Variants in SHC3 observed in about 807,000 individuals in gnomAD.
The protein encoded by SHC3 is SHC adaptor protein 3.
Under a neutral mutation model 60.4 loss-of-function variants are expected in SHC3, and 15 were observed. That is an observed-to-expected ratio of 0.25 (90% CI 0.17 to 0.38). The LOEUF is 0.38. Ranked by LOEUF, SHC3 falls within the 10% of genes least tolerant of loss-of-function variation. The probability of loss-of-function intolerance (pLI) is 1.00; values close to 1 mark genes in which losing one functional copy is unlikely to be tolerated. For missense variants in SHC3, 677 were observed against 786.1 expected, an observed-to-expected ratio of 0.86 and a Z score of 1.66; for synonymous variants, 294 against 325.9, an observed-to-expected ratio of 0.90 and a Z score of 1.05.
intron 1 of SHC3, among the ~76,000 whole-genome samples, chr9:89,123,595 G>C (rs1328910448): frequency 6.6e-6 from 1 of 152,176 alleles, no homozygotes. Context: ...AGTGTGTCAA[G>C]ATCTGGGGGT....
At chr9:89,123,011 G>GA (rs1452024033) in intron 1 of SHC3, among the ~76,000 whole-genome samples, 1 of 152,208 alleles carries the variant, frequency 6.6e-6, no homozygotes, top group African/African-American at 2.4e-5. Flanking sequence ...GCTTTTATGG[G>GA]ATTGCTAACT....
intron 1 of SHC3, among the ~76,000 whole-genome samples, chr9:89,172,767 T>C (rs1399517025): frequency 6.6e-6 from 1 of 152,238 alleles, no homozygotes; most frequent in Admixed American, 6.5e-5. Flanking sequence ...GTCATTTCTT[T>C]CCATTGCATC....
intron 1 of SHC3, among the ~76,000 whole-genome samples, chr9:89,177,665 G>A (rs1394110710): frequency 2.0e-5 from 3 of 152,234 alleles, no homozygotes; most frequent in Admixed American, 6.5e-5. Flanking sequence ...CCGCTGCCCA[G>A]GGTTGGGCGC....
rs117335712 is a variant in SHC3 at position 89,039,218 on chromosome 9, C to T, written c.1361-930G>A. The stretch of plus-strand genomic sequence containing the variant: ...AGAACAGGAGTGGTTCTTTCCTGAG[C>T]ATAACTACACCCTCAGAGCCCAGCA... On this transcript the variant is annotated intron_variant, in intron 10 of 11. Coordinates refer to ENST00000375835, the MANE Select transcript of SHC3 (RefSeq NM_016848.6). Among the ~76,000 whole-genome samples the T allele has an allele frequency of 6.0e-3, 911 of 152,306 alleles. 5 individuals carry two copies. The highest frequency in any genetic ancestry group is 9.8e-3 in the Non-Finnish European group (666 of 68,026).
At chr9:89,016,498 C>T (rs1395430494) in intron 11 of SHC3, among the ~76,000 whole-genome samples, 1 of 152,006 alleles carries the variant, frequency 6.6e-6, no homozygotes, top group African/African-American at 2.4e-5. Flanking sequence ...TCAGAATAGG[C>T]ATATATGTAT....
Position 89,178,240 on chromosome 9 carries a change from A to G in SHC3, c.221T>C (p.Leu74Pro), listed in dbSNP as rs1260335700. The G allele has an allele frequency of 6.6e-6, 10 of 1,513,240 alleles. No homozygotes were observed. Among genetic ancestry groups the G allele is most frequent in the South Asian group, 1.2e-5 (1 of 80,520 alleles). 93.7% of individuals were successfully genotyped at this position (1,513,240 alleles called of 1,614,324 possible). A position where few individuals can be genotyped will look rare whatever the true frequency, so the allele number is the denominator to read the frequency against. The stretch of plus-strand genomic sequence containing the variant: ...GCGGAGGCCCGAGCTGGAGAGTTTC[A>G]GGTGGGACACCTTGTGGAGCAGGTG... ...LGHLLHKVSH[L>P]KLSSSGLRGL... Residue 74 changes from leucine to proline, a missense_variant, in exon 1 of 12, where the codon CTG becomes CCG. Transcript: ENST00000375835. This position sits in a 1 kb window ranked among gnomAD's most constrained non-coding sequence, Gnocchi z 6.9.
intron 2 of SHC3, among the ~76,000 whole-genome samples, chr9:89,088,342 C>T (rs1825565760): frequency 6.6e-6 from 1 of 152,200 alleles, no homozygotes; most frequent in Non-Finnish European, 1.5e-5. Context: ...GTACACCTTA[C>T]TTGTATTGAT....
At chr9:89,104,759 A>G (rs746908615) in intron 2 of SHC3, among the ~76,000 whole-genome samples, 7 of 151,110 alleles carry the variant, frequency 4.6e-5, no homozygotes, top group Non-Finnish European at 8.9e-5. Context: ...CTATCCTCTC[A>G]CCCTCCAATC....
chr9:89,027,694 A>G (rs1826343305), intron 11 of SHC3, among the ~76,000 whole-genome samples: 2 of 152,202 alleles, frequency 1.3e-5, no homozygotes, highest in African/African-American at 2.4e-5. Context: ...CGAACCCAGA[A>G]AAAGGACAGT....
chr9:89,109,682 G>C, intron 2 of SHC3: 1 of 985,420 alleles, frequency 1.0e-6, no homozygotes, highest in Non-Finnish European at 1.2e-6. Flanking sequence ...TTGGTGAGGA[G>C]ACCACCCCCA....
intron 6 of SHC3, among the ~76,000 whole-genome samples, chr9:89,058,621 TGG>T (rs1280220167): frequency 6.9e-6 from 1 of 145,908 alleles, no homozygotes; most frequent in Non-Finnish European, 1.5e-5. Context: ...GTGGAGGACG[TGG>T]TGGAGGACAT....
intron 7 of SHC3, among the ~76,000 whole-genome samples, chr9:89,049,578 A>C (rs1824829353): frequency 6.6e-6 from 1 of 152,256 alleles, no homozygotes; most frequent in African/African-American, 2.4e-5. Context: ...ATACTTATGC[A>C]TCCCCCATGG....
At chr9:89,161,154 C>T (rs961822143) in intron 1 of SHC3, among the ~76,000 whole-genome samples, 1 of 152,160 alleles carries the variant, frequency 6.6e-6, no homozygotes, top group Admixed American at 6.5e-5. Flanking sequence ...ATATAATCCC[C>T]ATGTTGGAGG....
At chr9:89,114,619 G>A (rs1001195963) in intron 1 of SHC3, among the ~76,000 whole-genome samples, 9 of 152,022 alleles carry the variant, frequency 5.9e-5, no homozygotes, top group African/African-American at 1.9e-4. Context: ...ATGGATTTTG[G>A]TATCCTAGAG....
At chr9:89,051,869 T>G (rs1824867253) in intron 7 of SHC3, among the ~76,000 whole-genome samples, 168 bp downstream of exon 7, 1 of 152,230 alleles carries the variant, frequency 6.6e-6, no homozygotes, top group African/African-American at 2.4e-5. Context: ...TTGGCTTCCA[T>G]CTGTTGGCTT....
chr9:89,102,643 T>C (rs1363428159), intron 2 of SHC3, among the ~76,000 whole-genome samples: 3 of 152,226 alleles, frequency 2.0e-5, no homozygotes, highest in Admixed American at 6.5e-5. Context: ...CAGCAGATGA[T>C]ACAGTATGTC....
intron 11 of SHC3, among the ~76,000 whole-genome samples, chr9:89,028,582 T>C (rs1461671169): frequency 6.8e-6 from 1 of 146,334 alleles, no homozygotes; most frequent in African/African-American, 2.5e-5. Context: ...AGATATATAT[T>C]ACACACATGT....
chr9:89,115,882 C>T (rs938647163), intron 1 of SHC3, among the ~76,000 whole-genome samples: 4 of 152,202 alleles, frequency 2.6e-5, no homozygotes, highest in African/African-American at 9.6e-5. Context: ...AACACAACCA[C>T]AACCATTATC....
intron 11 of SHC3, among the ~76,000 whole-genome samples, chr9:89,035,663 G>A (rs1275255740): frequency 2.0e-5 from 3 of 151,868 alleles, no homozygotes; most frequent in South Asian, 2.1e-4. Context: ...ATTTAAAAAC[G>A]TGTTGAGCCT....
Sources: allele counts gnomAD v4.1 joint callset (sites outside exome capture counted in the v4.1 genomes callset), GRCh38; gene constraint gnomAD v4.1.1; non-coding constraint Gnocchi (gnomAD v3.1); transcripts MANE v1.5; gene names NCBI Gene and HGNC (gene_info 2026-07-23, HGNC 2026-07-21).